FAM135A: variants seen among roughly 807,000 people sequenced by gnomAD.
FAM135A encodes the protein family with sequence similarity 135 member A.
In FAM135A, 79 loss-of-function variants were observed where a neutral mutation model predicts 146.8. That is an observed-to-expected ratio of 0.54 (90% CI 0.45 to 0.65). The LOEUF is 0.65. FAM135A is among the 30% of genes least tolerant of loss of function. The probability of loss-of-function intolerance (pLI) is 0.00; values close to 1 mark genes in which losing one functional copy is unlikely to be tolerated. For missense variants in FAM135A, 1,623 were observed against 1,758.2 expected (o/e 0.92, Z 1.38); for synonymous variants, 562 against 603.6 (o/e 0.93, Z 1.01).
intron 5 of FAM135A, among the ~76,000 whole-genome samples, chr6:70,459,237 A>G (rs1358981066): frequency 2.0e-5 from 3 of 152,146 alleles, no homozygotes; most frequent in Admixed American, 6.5e-5. Flanking sequence ...AAATTTTACC[A>G]TAATTCGTAT....
intron 5 of FAM135A, among the ~76,000 whole-genome samples, chr6:70,463,677 A>G (rs1384786411): frequency 6.6e-6 from 1 of 152,230 alleles, no homozygotes; most frequent in Non-Finnish European, 1.5e-5. Flanking sequence ...AAAAAAAATG[A>G]GGAAAAGTTA....
rs79615004 is a variant in FAM135A, at chr6:70,442,459, A to G, written c.78-10033A>G. 6.0e-3 allele frequency among the ~76,000 whole-genome samples: 916 copies of G among 152,242 alleles called. 20 individuals are homozygous for G. The East Asian group carries it at 0.07, about 12-fold the overall frequency. ...CCAAAACCAAAACTCTGTAAAGTCC[A>G]CTATATTGAGATAGATCTTGTTTTG... is the stretch of plus-strand genomic sequence containing the variant. On this transcript the variant is annotated intron_variant, in intron 4 of 21. Transcript: ENST00000418814.
intron 12 of FAM135A, among the ~76,000 whole-genome samples, chr6:70,517,576 G>A (rs1792573931): frequency 6.6e-6 from 1 of 151,900 alleles, no homozygotes; most frequent in Non-Finnish European, 1.5e-5. Context: ...CTGCCACCAT[G>A]TCCAGCTAAT....
chr6:70,527,559 A>T (rs1249756904), intron 15 of FAM135A, among the ~76,000 whole-genome samples: 3 of 152,098 alleles, frequency 2.0e-5, no homozygotes, highest in Non-Finnish European at 4.4e-5. Context: ...GAAAGCAATG[A>T]TCTCTAATAT....
intron 20 of FAM135A, among the ~76,000 whole-genome samples, chr6:70,547,322 GA>G (rs1799026439): frequency 6.6e-6 from 1 of 152,116 alleles, no homozygotes; most frequent in South Asian, 2.1e-4. Context: ...ATTTTAGGAA[GA>G]AAATTCATTC....
chr6:70,525,261 G>A lies in FAM135A; in HGVS notation c.2177G>A (p.Gly726Glu). The change falls in exon 15 of 22, where the codon GGA (glycine) becomes GAA (glutamate). Residue 726 changes from glycine to glutamate, a missense_variant. By Grantham distance (98) the Gly-to-Glu change is moderately conservative. This residue lies in a region of FAM135A where 1,061 missense variants were observed against 1,113.8 expected (regional missense o/e 0.95). Coordinates refer to ENST00000418814, the MANE Select transcript of FAM135A (RefSeq NM_001162529.3). ...ALQEAKCLSI[G>E]ESLTKLRSNL... is the part of the protein sequence containing the mutation. ...CAAGAAGCAAAGTGTCTTTCTATTG[G>A]AGAATCATTAACTAAATTACGAAGT... 1 of 1,600,628 alleles carries A rather than the reference G, an allele frequency of 6.2e-7. No individual in the cohort carries two copies. The highest frequency in any genetic ancestry group is 8.5e-7 in the Non-Finnish European group (1 of 1,174,958).
At chr6:70,559,235 G>A (rs564175040) in intron 21 of FAM135A, among the ~76,000 whole-genome samples, 53 of 152,184 alleles carry the variant, frequency 3.5e-4, no homozygotes, top group Non-Finnish European at 6.6e-4. Flanking sequence ...GAGGTCAGGA[G>A]TTCGAGACCA....
chr6:70,503,018 A>G (rs892420166), intron 12 of FAM135A: 2 of 330,778 alleles, frequency 6.0e-6, no homozygotes, highest in African/African-American at 4.2e-5. Context: ...AAAACCACCT[A>G]AAAGTAAGTA....
At chr6:70,515,538 C>T (rs139740754) in intron 12 of FAM135A, among the ~76,000 whole-genome samples, 12 of 152,046 alleles carry the variant, frequency 7.9e-5, no homozygotes, top group South Asian at 4.1e-4. Context: ...TTCAACTATA[C>T]GACATTCTGG....
At chr6:70,538,682 G>C (rs1797222903) in intron 20 of FAM135A, among the ~76,000 whole-genome samples, 1 of 151,784 alleles carries the variant, frequency 6.6e-6, no homozygotes, top group African/African-American at 2.4e-5. Context: ...TGCCAGTTTT[G>C]TTAGTCTATG....
chr6:70,414,272 T>C (rs935294071), intron 1 of FAM135A, among the ~76,000 whole-genome samples: 1 of 152,222 alleles, frequency 6.6e-6, no homozygotes, highest in African/African-American at 2.4e-5. Flanking sequence ...ATCCACCTCC[T>C]TTCGGTACTT....
rs1479226508 is a variant in FAM135A, at chr6:70,556,691, AT to A, written c.4229-58del. 3 of 1,174,026 alleles carry A rather than the reference AT, an allele frequency of 2.6e-6. No individual in the cohort carries two copies. The African/African-American group carries it at 4.7e-5, about 18-fold the overall frequency. 72.7% of individuals were successfully genotyped at this position (1,174,026 alleles called of 1,614,324 possible). A position where few individuals can be genotyped will look rare whatever the true frequency, so the allele number is the denominator to read the frequency against. ...TTTTTGGTCACTTAATATGATACTA[AT>A]AACTTGTTTAAAATCTAGTTAACTA... On this transcript the variant is annotated intron_variant, in intron 20 of 21. Transcript: ENST00000418814.
chr6:70,559,129 C>A (rs1490195107), intron 21 of FAM135A, among the ~76,000 whole-genome samples: 1 of 152,110 alleles, frequency 6.6e-6, no homozygotes, highest in Non-Finnish European at 1.5e-5. Flanking sequence ...TTGTTATAGG[C>A]ATTGCTTTGA....
intron 4 of FAM135A, among the ~76,000 whole-genome samples, chr6:70,435,879 T>C (rs1018459500): frequency 1.2e-4 from 18 of 152,194 alleles, no homozygotes; most frequent in African/African-American, 4.3e-4. Context: ...ATGTATGTGT[T>C]GTATTCTTAA....
chr6:70,416,231 AC>A (rs200071931), intron 2 of FAM135A, among the ~76,000 whole-genome samples: 30,475 of 151,914 alleles, frequency 0.2, 3,285 homozygotes, highest in African/African-American at 0.29. Flanking sequence ...ACTAATGTTC[AC>A]ACATTAGTTA....
chr6:70,495,541 GAAATAA>G (rs1428323202), intron 11 of FAM135A, among the ~76,000 whole-genome samples: 1 of 152,038 alleles, frequency 6.6e-6, no homozygotes, highest in Non-Finnish European at 1.5e-5. Flanking sequence ...TATTTAAAAA[GAAATAA>G]AAATAAACTG....
intron 20 of FAM135A, among the ~76,000 whole-genome samples, chr6:70,540,757 C>G (rs1442892995): frequency 6.6e-6 from 1 of 152,118 alleles, no homozygotes; most frequent in Non-Finnish European, 1.5e-5. Flanking sequence ...AGTCATCTTG[C>G]AAATCTATAT....
rs1392677996 is a variant in FAM135A at position 70,475,710 on chromosome 6, A to G, written c.345A>G (p.Leu115=). ...TGAATTTTCTATTATCCTTGGATCTACACTTCACAGATGGAGATTATTCGT... is the reference window on the plus strand; with the variant it reads ...TGAATTTTCTATTATCCTTGGATCTGCACTTCACAGATGGAGATTATTCGT... The part of the protein sequence containing the change: ...EEMNFLLSLD[L]HFTDGDYSAD... Residue 115 remains leucine (L), a synonymous_variant, in exon 7 of 22, where the codon CTA becomes CTG. Transcript: ENST00000418814. 2 of 1,610,652 alleles carry G rather than the reference A, an allele frequency of 1.2e-6. No homozygotes were observed. The highest frequency in any genetic ancestry group is 2.2e-5 in the South Asian group (2 of 90,528).
chr6:70,450,985 C>G (rs768412316), intron 4 of FAM135A, among the ~76,000 whole-genome samples: 2 of 151,800 alleles, frequency 1.3e-5, no homozygotes, highest in African/African-American at 4.8e-5. Context: ...TCAAGTGATC[C>G]TCCTGCCTTG....
Sources: gnomAD v4.1 joint callset for allele counts (sites outside exome capture counted in the v4.1 genomes callset) on GRCh38, gnomAD v4.1.1 for gene constraint, gnomAD v4.1.1 regional missense constraint, MANE v1.5 for transcripts, NCBI Gene and HGNC (gene_info 2026-07-23, HGNC 2026-07-21) for gene names.